The following ZXDC variants were observed in gnomAD, a reference collection of about 807,000 sequenced individuals.
ZXDC encodes the protein zinc finger protein ZXDC.
In ZXDC, 58 loss-of-function variants were observed where a neutral mutation model predicts 63.6. That is an observed-to-expected ratio of 0.91 (90% CI 0.74 to 1.13). The LOEUF (loss-of-function observed/expected upper bound fraction) is 1.13, where lower values mean the gene tolerates loss of function less well. ZXDC is among the 50% of genes most tolerant of loss of function. ZXDC has a pLI of 0.00. For missense variants in ZXDC, 1,133 were observed against 1,148.9 expected (o/e 0.99, Z 0.20); for synonymous variants, 561 against 496.1 (o/e 1.13, Z -1.74).
At chr3:126,457,269 G>T in intron 7 of ZXDC, 1 of 985,102 alleles carries the variant, frequency 1.0e-6, no homozygotes, top group Non-Finnish European at 1.2e-6. Context: ...GAGGGGAGGC[G>T]GGCAAAGGCA....
At chr3:126,441,057 GTA>G in intron 8 of ZXDC, 2 of 985,610 alleles carry the variant, frequency 2.0e-6, no homozygotes, top group Non-Finnish European at 2.4e-6. Flanking sequence ...GCCCCGGCTT[GTA>G]TATCTCTTCT....
chr3:126,458,563 G>C (rs769743069), intron 7 of ZXDC: 24 of 983,148 alleles, frequency 2.4e-5, no homozygotes, highest in Admixed American at 6.1e-5. Flanking sequence ...TAAAGATAAT[G>C]CTGAAATATT....
At chr3:126,454,281 G>A in intron 7 of ZXDC, 1 of 984,442 alleles carries the variant, frequency 1.0e-6, no homozygotes, top group South Asian at 4.7e-5. Flanking sequence ...TCAATTATCT[G>A]AGATTTCTAT....
rs139392295 is a variant in ZXDC at position 126,446,597 on chromosome 3, G to A, written c.2213-4651C>T. Reference sequence around the variant, plus strand: ...CCTTGATAACCACAGGGGGTCATGCGAGCTTCCTCTACTGAGATCCTCACT... The same window carrying A: ...CCTTGATAACCACAGGGGGTCATGCAAGCTTCCTCTACTGAGATCCTCACT... On this transcript the variant is annotated intron_variant, in intron 7 of 9. Transcript: ENST00000389709. Among the ~76,000 whole-genome samples, 548 of 152,242 alleles carry A rather than the reference G, an allele frequency of 3.6e-3. 11 individuals carry two copies. The highest frequency in any genetic ancestry group is 0.029 in the Admixed American group (446 of 15,292).
At chr3:126,472,555 TAAAGAG>T (rs1935021366) in intron 1 of ZXDC, among the ~76,000 whole-genome samples, 1 of 152,084 alleles carries the variant, frequency 6.6e-6, no homozygotes, top group Admixed American at 6.5e-5. Flanking sequence ...GAGCAACCGA[TAAAGAG>T]AAAGTCCTCC....
intron 7 of ZXDC, chr3:126,451,890 T>C (rs1576670038): frequency 3.0e-6 from 3 of 984,086 alleles, no homozygotes; most frequent in Non-Finnish European, 3.6e-6. Flanking sequence ...CCTCATAGGG[T>C]TTTTGTGAGG....
intron 1 of ZXDC, among the ~76,000 whole-genome samples, chr3:126,474,586 C>T (rs935621342): frequency 2.6e-5 from 4 of 152,216 alleles, no homozygotes; most frequent in African/African-American, 9.6e-5. Context: ...CATCTCTGCT[C>T]CTCTAGCACG....
rs1287025792 is a variant in ZXDC, at chr3:126,466,335, A to G, written c.1271-10T>C. On this transcript the variant is annotated splice_polypyrimidine_tract_variant and intron_variant, in intron 4 of 9. Transcript: ENST00000389709. ...AACCTCGCGCAACATCCTGGAACAAAAAGAGTAATGAGAGTGAAACCCAAG... is the reference window on the plus strand; with the variant it reads ...AACCTCGCGCAACATCCTGGAACAAGAAGAGTAATGAGAGTGAAACCCAAG... The G allele has an allele frequency of 6.2e-7, 1 of 1,614,048 alleles. No homozygotes were observed. The highest frequency in any genetic ancestry group is 1.6e-4 in the Middle Eastern group (1 of 6,084).
intron 7 of ZXDC, among the ~76,000 whole-genome samples, chr3:126,458,287 A>C (rs1934390921): frequency 6.9e-6 from 1 of 144,072 alleles, no homozygotes; most frequent in Admixed American, 7.2e-5. Flanking sequence ...CCCAGGCTGG[A>C]GCACAGTGGC....
intron 7 of ZXDC, among the ~76,000 whole-genome samples, chr3:126,448,045 C>G (rs1389570676): frequency 6.6e-6 from 1 of 151,572 alleles, no homozygotes; most frequent in Non-Finnish European, 1.5e-5. Flanking sequence ...CCTCAGCTTT[C>G]TCATCCAGAA....
At chr3:126,460,599 C>A in intron 6 of ZXDC, 1 of 985,382 alleles carries the variant, frequency 1.0e-6, no homozygotes, top group Non-Finnish European at 1.2e-6. Flanking sequence ...GACCTGTGGC[C>A]ACCTCCCATC....
At chr3:126,463,351 G>T (rs1934634535) in intron 5 of ZXDC, among the ~76,000 whole-genome samples, 1 of 152,210 alleles carries the variant, frequency 6.6e-6, no homozygotes, top group Non-Finnish European at 1.5e-5. Context: ...TTACAGGTAT[G>T]AGCCACCACG....
At chr3:126,453,816 T>G (rs927296935) in intron 7 of ZXDC, 124 of 978,804 alleles carry the variant, frequency 1.3e-4, no homozygotes, top group Non-Finnish European at 1.5e-4. Flanking sequence ...TGCCTCAGCC[T>G]CCTGAGTAGC....
chr3:126,464,437 C>T (rs962846572), intron 5 of ZXDC, among the ~76,000 whole-genome samples: 1 of 152,200 alleles, frequency 6.6e-6, no homozygotes, highest in Non-Finnish European at 1.5e-5. Context: ...CATAATCCCA[C>T]GGTAACTGGG....
At chr3:126,471,051 T>G (rs1934961071) in intron 3 of ZXDC, 26 bp from the exon 4 acceptor site, 1 of 1,610,420 alleles carries the variant, frequency 6.2e-7, no homozygotes, top group African/African-American at 1.3e-5. Flanking sequence ...ATAAAGGAGC[T>G]GTGATTCCTC....
chr3:126,441,932 T>G lies in ZXDC; in HGVS notation c.2227A>C (p.Thr743Pro). Residue 743 changes from threonine to proline, a missense_variant, in exon 8 of 10, where the codon ACT becomes CCT. By Grantham distance (38) the Thr-to-Pro change is conservative. Transcript: ENST00000389709. ...TTGCCTTCTTTTATTTTTCTCTGAG[T>G]AGACTGTGAGGCTCCTAAAATGAAA... ...AGSNAGASQS[T>P]QRKIKEGKMS... is the part of the protein sequence containing the mutation. 1.2e-6 allele frequency: 2 copies of G among 1,606,914 alleles called. No homozygotes were observed. The highest frequency in any genetic ancestry group is 1.7e-6 in the Non-Finnish European group (2 of 1,176,264).
intron 7 of ZXDC, chr3:126,452,036 T>G: frequency 1.0e-6 from 1 of 985,402 alleles, no homozygotes; most frequent in Non-Finnish European, 1.2e-6. Flanking sequence ...TTCTAATATT[T>G]TTTTTTCCCT....
chr3:126,455,266 A>G (rs1934262426), intron 7 of ZXDC: 1 of 179,446 alleles, frequency 5.6e-6, no homozygotes, highest in Non-Finnish European at 1.1e-5. Context: ...TTTGCTGAAA[A>G]GTACCAATGT....
At position 126,475,771 on chromosome 3, in the gene ZXDC, CCGAGCGG is replaced by C; in HGVS notation, c.88_94del (p.Pro30AlafsTer92). On this transcript the variant is annotated frameshift_variant, in exon 1 of 10. Transcript: ENST00000389709. LOFTEE classifies it high-confidence loss of function. ...CAGGCGGCGGCGCGCGGGGCTCGCG[CCGAGCGG>C]CGCTGGGGCTCGGCGGAGCGGGCCG... is the stretch of plus-strand genomic sequence containing the variant. The C allele has an allele frequency of 3.5e-6, 4 of 1,137,948 alleles. No homozygotes were observed. The highest frequency in any genetic ancestry group is 4.3e-6 in the Non-Finnish European group (4 of 930,152). The allele number at this position is 1,137,948 out of a possible 1,614,324, so 70.5% of individuals were successfully genotyped here.
Sources: gnomAD v4.1 joint callset for allele counts (sites outside exome capture counted in the v4.1 genomes callset) on GRCh38, gnomAD v4.1.1 for gene constraint, MANE v1.5 for transcripts, NCBI Gene and HGNC (gene_info 2026-07-23, HGNC 2026-07-21) for gene names.